Variants in GUCA2B observed in about 807,000 individuals in gnomAD.
The protein encoded by GUCA2B is guanylate cyclase activator 2B.
GUCA2B carries 7 observed loss-of-function variants against 11.1 expected under a neutral mutation model. The ratio of observed to expected loss-of-function variants is 0.63; its 90% CI spans 0.36 to 1.18. The LOEUF is 1.18. Ranked by LOEUF, GUCA2B falls within the 50% of genes most tolerant of loss-of-function variation. The probability of loss-of-function intolerance (pLI) is 0.02; values close to 1 mark genes in which losing one functional copy is unlikely to be tolerated. For missense variants in GUCA2B, 140 were observed against 142.5 expected (o/e 0.98, Z 0.09); for synonymous variants, 69 against 65.3 (o/e 1.06, Z -0.27).
At chr1:42,155,494 G>T in intron 2 of GUCA2B, 41 bp from the exon 3 acceptor site, 1 of 1,541,770 alleles carries the variant, frequency 6.5e-7, no homozygotes, top group South Asian at 1.1e-5. Context: ...GCCACAGAGG[G>T]CCCAGGTTCA....
chr1:42,153,550 T>A lies in GUCA2B; in HGVS notation c.90+10T>A. 6.3e-7 allele frequency: 1 copy of A among 1,590,816 alleles called. No individual in the cohort carries two copies. The highest frequency in any genetic ancestry group is 8.6e-7 in the Non-Finnish European group (1 of 1,160,736). ...GTCAGTCTACATCCAGGTGAGTCCCTTGGCCAGCGTTCCCTTTGCCTGAAG... is the reference window on the plus strand; with the variant it reads ...GTCAGTCTACATCCAGGTGAGTCCCATGGCCAGCGTTCCCTTTGCCTGAAG... On this transcript the variant is annotated intron_variant, in intron 1 of 2. Coordinates refer to ENST00000372581, the MANE Select transcript of GUCA2B (RefSeq NM_007102.3).
rs1398490142 is a variant in GUCA2B, at chr1:42,155,597, G to C, written c.*1G>C. The C allele has an allele frequency of 6.2e-7, 1 of 1,612,610 alleles. No individual in the cohort carries two copies. Among genetic ancestry groups the C allele is most frequent in the African/African-American group, 1.3e-5 (1 of 75,010 alleles). Reference sequence around the variant, plus strand: ...CGTTGCGTGTACCGGCTGCCTCTGAGATAGCCCTGGGTACCCTGAGCCCAC... The same window carrying C: ...CGTTGCGTGTACCGGCTGCCTCTGACATAGCCCTGGGTACCCTGAGCCCAC... On this transcript the variant is annotated 3_prime_UTR_variant, in exon 3 of 3. Transcript: ENST00000372581.
At chr1:42,154,408 G>A (rs1201664458) in intron 1 of GUCA2B, among the ~76,000 whole-genome samples, 1 of 152,198 alleles carries the variant, frequency 6.6e-6, no homozygotes, top group African/African-American at 2.4e-5. Context: ...GGCTGAGTGG[G>A]GAACAGACAG....
At chr1:42,154,506 T>G (rs1646099016) in intron 1 of GUCA2B, among the ~76,000 whole-genome samples, 174 bp from the exon 2 acceptor site, 1 of 152,170 alleles carries the variant, frequency 6.6e-6, no homozygotes, top group Non-Finnish European at 1.5e-5. Context: ...GCCCCGCTGC[T>G]TCTTCCTCAC....
rs555975626 is a variant in GUCA2B at position 42,153,426 on chromosome 1, C to T, written c.-25C>T. 4.4e-5 allele frequency: 68 copies of T among 1,553,656 alleles called. No individual in the cohort carries two copies. The East Asian group carries it at 1.0e-3, about 24-fold the overall frequency. On this transcript the variant is annotated 5_prime_UTR_variant, in exon 1 of 3. Coordinates refer to ENST00000372581, the MANE Select transcript of GUCA2B (RefSeq NM_007102.3). The stretch of plus-strand genomic sequence containing the variant: ...GACACAGATGGGAGACGGTGGACAG[C>T]GGCAGGGGGAACCCAGGGAGCGCGA...
At chr1:42,154,992 G>C in intron 2 of GUCA2B, 126 bp downstream of exon 2, 1 of 729,718 alleles carries the variant, frequency 1.4e-6, no homozygotes, top group Non-Finnish European at 2.3e-6. Context: ...CTCAGGCCCT[G>C]TCCCACTGGC....
rs544874068 is a variant in GUCA2B at position 42,153,630 on chromosome 1, A to T, written c.90+90A>T. ...GGGTGTACTGGGAATTCAGAGGGGCACCGGGGGAGCACGGGGCCCGGGGCT... is the reference window on the plus strand; with the variant it reads ...GGGTGTACTGGGAATTCAGAGGGGCTCCGGGGGAGCACGGGGCCCGGGGCT... On this transcript the variant is annotated intron_variant, in intron 1 of 2. Coordinates refer to ENST00000372581, the MANE Select transcript of GUCA2B (RefSeq NM_007102.3). The T allele has an allele frequency of 7.8e-5, 74 of 953,556 alleles. 1 individual carries two copies. The African/African-American group carries it at 9.5e-4, about 12-fold the overall frequency. The allele number at this position is 953,556 out of a possible 1,614,324, so 59.1% of individuals were successfully genotyped here. A position where few individuals can be genotyped will look rare whatever the true frequency, so the allele number is the denominator to read the frequency against.
rs1232421533 is a variant in GUCA2B, at chr1:42,154,815, C to T, written c.226C>T (p.Leu76Phe). The change falls in exon 2 of 3, where the codon CTT becomes TTT. Residue 76 changes from leucine (L) to phenylalanine (F), a missense_variant. By Grantham distance (22) the Leu-to-Phe change is conservative. Coordinates refer to ENST00000372581, the MANE Select transcript of GUCA2B (RefSeq NM_007102.3). ...VCHHPALPQD[L>F]QPVCASQEAS... Reference sequence around the variant, plus strand: ...CCACCACCCTGCTCTGCCTCAGGACCTTCAGCCTGTCTGCGCCTCGCAGGA... The same window carrying T: ...CCACCACCCTGCTCTGCCTCAGGACTTTCAGCCTGTCTGCGCCTCGCAGGA... 1.2e-6 allele frequency: 2 copies of T among 1,613,982 alleles called. No individual in the cohort carries two copies. Among genetic ancestry groups the T allele is most frequent in the African/African-American group, 1.3e-5 (1 of 74,958 alleles).
rs747068580 is a variant in GUCA2B, at chr1:42,153,465, T to C, written c.15T>C (p.Ala5=). 21 of 1,611,412 alleles carry C rather than the reference T, an allele frequency of 1.3e-5. No homozygotes were observed. Among genetic ancestry groups the C allele is most frequent in the Non-Finnish European group, 1.8e-5 (21 of 1,179,020 alleles). ...CAGGGAGCGCGATGGGCTGCAGGGC[T>C]GCATCAGGGCTCCTGCCAGGAGTGG... MGCR[A]ASGLLPGVAV... Residue 5 remains alanine, a synonymous_variant, in exon 1 of 3, where the codon GCT becomes GCC. Transcript: ENST00000372581.
At chr1:42,154,317 G>A (rs1258434172) in intron 1 of GUCA2B, among the ~76,000 whole-genome samples, 2 of 152,208 alleles carry the variant, frequency 1.3e-5, no homozygotes. Flanking sequence ...ACTCTGCCAT[G>A]TGAGCTCAGG....
chr1:42,153,577 G>A (rs777570208), intron 1 of GUCA2B, 37 bp downstream of exon 1: 4 of 1,442,234 alleles, frequency 2.8e-6, no homozygotes, highest in Admixed American at 1.7e-5. Context: ...TGCCTGAAGG[G>A]CCCCATGGTG....
intron 2 of GUCA2B, among the ~76,000 whole-genome samples, chr1:42,155,076 A>G (rs560245039): frequency 6.6e-6 from 1 of 152,200 alleles, no homozygotes; most frequent in South Asian, 2.1e-4. Context: ...AGTCCACGCC[A>G]GGCACAGACC....
chr1:42,153,435 G>A lies in GUCA2B; in HGVS notation c.-16G>A, dbSNP rs1182609166. On this transcript the variant is annotated 5_prime_UTR_variant, in exon 1 of 3. Coordinates refer to ENST00000372581, the MANE Select transcript of GUCA2B (RefSeq NM_007102.3). ...GGGAGACGGTGGACAGCGGCAGGGG[G>A]AACCCAGGGAGCGCGATGGGCTGCA... 2 of 1,591,862 alleles carry A rather than the reference G, an allele frequency of 1.3e-6. No individual in the cohort carries two copies. Among genetic ancestry groups the A allele is most frequent in the Non-Finnish European group, 1.7e-6 (2 of 1,163,532 alleles).
chr1:42,154,646 T>G, intron 1 of GUCA2B, 34 bp from the exon 2 acceptor site: 1 of 1,572,082 alleles, frequency 6.4e-7, no homozygotes, highest in Non-Finnish European at 8.8e-7. Context: ...GACCAGGTCT[T>G]GACCTGCTCC....
Position 42,155,689 on chromosome 1 carries a change from G to T in GUCA2B, c.*93G>T. ...CCATCCCCGTCCATGCTCAAGATGG[G>T]TCCCTGGCCACCATGGTCATCACCA... On this transcript the variant is annotated 3_prime_UTR_variant, in exon 3 of 3. Transcript: ENST00000372581. The T allele has an allele frequency of 2.1e-6, 2 of 958,054 alleles. No individual in the cohort carries two copies. The highest frequency in any genetic ancestry group is 1.7e-6 in the Non-Finnish European group (1 of 584,416). 59.3% of individuals were successfully genotyped at this position (958,054 alleles called of 1,614,324 possible).
Position 42,154,810 on chromosome 1 carries a change from A to G in GUCA2B, c.221A>G (p.Gln74Arg). The G allele has an allele frequency of 6.2e-7, 1 of 1,614,078 alleles. No homozygotes were observed. Among genetic ancestry groups the G allele is most frequent in the Non-Finnish European group, 8.5e-7 (1 of 1,180,004 alleles). The change falls in exon 2 of 3, where the codon CAG (glutamine) becomes CGG (arginine). Residue 74 changes from glutamine (Q) to arginine (R), a missense_variant. By Grantham distance (43) the Gln-to-Arg change is conservative. Transcript: ENST00000372581. ...PAVCHHPALP[Q>R]DLQPVCASQE... ...GTGTGCCACCACCCTGCTCTGCCTC[A>G]GGACCTTCAGCCTGTCTGCGCCTCG... is the stretch of plus-strand genomic sequence containing the variant.
At chr1:42,153,587 G>T in intron 1 of GUCA2B, 47 bp downstream of exon 1, 1 of 1,358,960 alleles carries the variant, frequency 7.4e-7, no homozygotes, top group South Asian at 1.2e-5. Context: ...GCCCCATGGT[G>T]GGAGGCTAGG....
chr1:42,153,528 AG>A lies in GUCA2B; in HGVS notation c.79del (p.Val27SerfsTer15). On this transcript the variant is annotated frameshift_variant, in exon 1 of 3. Transcript: ENST00000372581. LOFTEE classifies it high-confidence loss of function. Reference sequence around the variant, plus strand: ...TGCTGCTGCTGCAGAGCACACAGTCAGTCTACATCCAGGTGAGTCCCTTGGC... The same window carrying A: ...TGCTGCTGCTGCAGAGCACACAGTCATCTACATCCAGGTGAGTCCCTTGGC... ...LLLLLQSTQS[V>X]YIQYQGFRVQ... 2.5e-6 allele frequency: 4 copies of A among 1,611,322 alleles called. No individual in the cohort carries two copies. In the South Asian group the frequency reaches 4.4e-5, roughly 18 times the overall value.
At chr1:42,154,904 TC>T (rs1278312385) in intron 2 of GUCA2B, 38 bp downstream of exon 2, 2 of 1,517,728 alleles carry the variant, frequency 1.3e-6, no homozygotes, top group South Asian at 2.4e-5. Flanking sequence ...TCGCTCTGTC[TC>T]CTCCCACGCC....
Sources: gnomAD v4.1 joint callset for allele counts (sites outside exome capture counted in the v4.1 genomes callset) on GRCh38, gnomAD v4.1.1 for gene constraint, MANE v1.5 for transcripts, NCBI Gene and HGNC (gene_info 2026-07-23, HGNC 2026-07-21) for gene names.